Variants in NALF1 observed in about 807,000 individuals in gnomAD.
NALF1 encodes NALCN channel auxiliary factor 1, also known as family with sequence similarity 155 member A.
A neutral mutation model predicts 48.4 loss-of-function variants in NALF1; 3 were observed. That is an observed-to-expected ratio of 0.06 (90% CI 0.03 to 0.16). The LOEUF (loss-of-function observed/expected upper bound fraction) is 0.16. Among genes scored for constraint, NALF1 ranks in the 10% least tolerant of loss-of-function variants. The pLI is 1.00. For missense variants in NALF1, 526 were observed against 571.5 expected (o/e 0.92, Z 0.81); for synonymous variants, 262 against 245.7 (o/e 1.07, Z -0.62).
chr13:107,389,360 A>G (rs1311441098), intron 1 of NALF1, among the ~76,000 whole-genome samples: 4 of 152,236 alleles, frequency 2.6e-5, no homozygotes, highest in African/African-American at 9.6e-5. Flanking sequence ...AGATGAGGGC[A>G]TTAGAGTGGA....
intron 1 of NALF1, among the ~76,000 whole-genome samples, chr13:107,646,879 T>A (rs953487457): frequency 6.6e-6 from 1 of 152,102 alleles, no homozygotes; most frequent in Non-Finnish European, 1.5e-5. Context: ...GATTCTTTTT[T>A]ATTTTCTAAA....
chr13:107,506,312 T>C (rs899260059), intron 1 of NALF1, among the ~76,000 whole-genome samples: 5 of 152,168 alleles, frequency 3.3e-5, no homozygotes, highest in Non-Finnish European at 7.4e-5. Flanking sequence ...GCTACCTGTA[T>C]GTATTTTTTC....
intron 1 of NALF1, among the ~76,000 whole-genome samples, chr13:107,419,321 A>G (rs1168263914): frequency 6.6e-6 from 1 of 152,204 alleles, no homozygotes. Context: ...GATAATATTT[A>G]TTGTTGGGTG....
At chr13:107,357,250 C>T (rs1458493084) in intron 1 of NALF1, among the ~76,000 whole-genome samples, 1 of 152,090 alleles carries the variant, frequency 6.6e-6, no homozygotes, top group Non-Finnish European at 1.5e-5. Flanking sequence ...AAGCACAGAC[C>T]TTCTCATATG....
rs999344409 is a variant in NALF1 at position 107,477,790 on chromosome 13, G to A, written c.916-267035C>T. Among the ~76,000 whole-genome samples the A allele has an allele frequency of 3.9e-5, 6 of 152,070 alleles. No homozygotes were observed. The East Asian group carries it at 1.2e-3, about 29-fold the overall frequency. On this transcript the variant is annotated intron_variant, in intron 1 of 2. Coordinates refer to ENST00000375915, the MANE Select transcript of NALF1 (RefSeq NM_001080396.3). ...TAATTTTTTTTCCTGCCGCTTAAAG[G>A]TGTATGTCTTCTTCCAACCTGCTGC... is the stretch of plus-strand genomic sequence containing the variant.
At chr13:107,770,349 A>C (rs958776822) in intron 1 of NALF1, among the ~76,000 whole-genome samples, 11 of 132,452 alleles carry the variant, frequency 8.3e-5, no homozygotes, top group Non-Finnish European at 1.9e-4. Context: ...AGTGTAGATG[A>C]GGGGTAAAAG....
At chr13:107,649,282 T>C (rs1880388381) in intron 1 of NALF1, among the ~76,000 whole-genome samples, 1 of 152,234 alleles carries the variant, frequency 6.6e-6, no homozygotes, top group African/African-American at 2.4e-5. Context: ...CAGATTCTCA[T>C]ACACAGATTT....
chr13:107,537,386 T>C lies in NALF1; in HGVS notation c.916-326631A>G, dbSNP rs116806977. Reference sequence around the variant, plus strand: ...TATTTAGCTTTACTAATATAACTTTTTATTTAGTGAATGGAATCAATTTTT... The same window carrying C: ...TATTTAGCTTTACTAATATAACTTTCTATTTAGTGAATGGAATCAATTTTT... On this transcript the variant is annotated intron_variant, in intron 1 of 2. Transcript: ENST00000375915. 2.1e-3 allele frequency among the ~76,000 whole-genome samples: 327 copies of C among 152,320 alleles called. 1 individual carries two copies. The highest frequency in any genetic ancestry group is 7.7e-3 in the African/African-American group (320 of 41,574).
intron 1 of NALF1, among the ~76,000 whole-genome samples, chr13:107,852,995 A>T (rs1880355742): frequency 6.6e-6 from 1 of 152,122 alleles, no homozygotes; most frequent in South Asian, 2.1e-4. Flanking sequence ...ATGTCAGACT[A>T]TTAAGATGAA....
At chr13:107,296,438 T>A (rs1881728821) in intron 1 of NALF1, among the ~76,000 whole-genome samples, 1 of 152,126 alleles carries the variant, frequency 6.6e-6, no homozygotes, top group Admixed American at 6.6e-5. Flanking sequence ...TAAAAAAATC[T>A]AGGAAGGTGT....
intron 2 of NALF1, among the ~76,000 whole-genome samples, chr13:107,175,483 G>C (rs2087070968): frequency 6.6e-6 from 1 of 152,110 alleles, no homozygotes; most frequent in Non-Finnish European, 1.5e-5. Context: ...AAGAGGTTTT[G>C]ATTATTGTCT....
intron 1 of NALF1, among the ~76,000 whole-genome samples, chr13:107,522,404 T>A (rs1038429593): frequency 6.6e-6 from 1 of 152,196 alleles, no homozygotes; most frequent in African/African-American, 2.4e-5. Flanking sequence ...TTTTTGTGCA[T>A]CCTTTAAAGA....
intron 1 of NALF1, among the ~76,000 whole-genome samples, chr13:107,234,176 G>A (rs1189977777): frequency 6.6e-6 from 1 of 152,194 alleles, no homozygotes; most frequent in Non-Finnish European, 1.5e-5. Flanking sequence ...TTTAAAGAGT[G>A]ATGAATTGAC....
At chr13:107,382,111 C>T (rs1566318759) in intron 1 of NALF1, among the ~76,000 whole-genome samples, 2 of 152,234 alleles carry the variant, frequency 1.3e-5, no homozygotes, top group African/African-American at 4.8e-5. Context: ...AGTACCCCCT[C>T]ATTTCATTTC....
intron 1 of NALF1, among the ~76,000 whole-genome samples, chr13:107,692,113 G>A (rs1248732448): frequency 6.6e-6 from 1 of 152,140 alleles, no homozygotes; most frequent in Non-Finnish European, 1.5e-5. Context: ...AAGAAGAGAT[G>A]AGCAGATGAG....
rs963992881 is a variant in NALF1 at position 107,865,379 on chromosome 13, A to T, written c.915+303T>A. Among the ~76,000 whole-genome samples the T allele has an allele frequency of 9.2e-5, 14 of 152,240 alleles. No individual in the cohort carries two copies. The East Asian group carries it at 2.7e-3, about 30-fold the overall frequency. ...TTTTTCAACTTCCTTTTCTTAAAAG[A>T]TGTAACAGAGTTTGAGCCAACTGCA... On this transcript the variant is annotated intron_variant, in intron 1 of 2. Coordinates refer to ENST00000375915, the MANE Select transcript of NALF1 (RefSeq NM_001080396.3).
In NALF1 at chr13:107,586,635, A is replaced by ATTTTTTTTTTTTTTTTTTTT. The variant is rs61429641; in HGVS notation, c.915+279046_915+279047insAAAAAAAAAAAAAAAAAAAA. Among the ~76,000 whole-genome samples the ATTTTTTTTTTTTTTTTTTTT allele has an allele frequency of 2.8e-3, 257 of 93,072 alleles. 26 individuals carry two copies. Among genetic ancestry groups the ATTTTTTTTTTTTTTTTTTTT allele is most frequent in the Middle Eastern group, 6.7e-3 (1 of 150 alleles). The allele number at this position is 93,072 out of a possible 152,430, so 61.1% of individuals were successfully genotyped here. A position where few individuals can be genotyped will look rare whatever the true frequency, so the allele number is the denominator to read the frequency against. The stretch of plus-strand genomic sequence containing the variant: ...CTACATTTAAAGCTCCCCTATGGAG[A>ATTTTTTTTTTTTTTTTTTTT]TTTTTTTTTTTTTTGCTAGGAATGA... On this transcript the variant is annotated intron_variant, in intron 1 of 2. Coordinates refer to ENST00000375915, the MANE Select transcript of NALF1 (RefSeq NM_001080396.3).
At chr13:107,818,758 G>A (rs796868438) in intron 1 of NALF1, among the ~76,000 whole-genome samples, 3 of 143,162 alleles carry the variant, frequency 2.1e-5, no homozygotes, top group African/African-American at 8.4e-5. Context: ...TGTAGTCCCA[G>A]CTACTCGGGA....
At chr13:107,257,796 G>C (rs536038119) in intron 1 of NALF1, among the ~76,000 whole-genome samples, 1 of 152,236 alleles carries the variant, frequency 6.6e-6, no homozygotes, top group African/African-American at 2.4e-5. Flanking sequence ...GGTAGGGGAT[G>C]GGGGGTGGTG....
Sources: allele counts gnomAD v4.1 joint callset (sites outside exome capture counted in the v4.1 genomes callset), GRCh38; gene constraint gnomAD v4.1.1; transcripts MANE v1.5; gene names NCBI Gene and HGNC (gene_info 2026-07-23, HGNC 2026-07-21).